The following BPIFC variants were observed in gnomAD, a reference collection of about 807,000 sequenced individuals.
BPIFC encodes BPI fold-containing family C protein.
A neutral mutation model predicts 57.6 loss-of-function variants in BPIFC; 60 were observed. The observed-to-expected ratio is 1.04, with a 90% CI of 0.85 to 1.29. The LOEUF is 1.29. Among genes scored for constraint, BPIFC ranks in the 50% most tolerant of loss-of-function variants. The pLI, the probability that BPIFC is intolerant of heterozygous loss-of-function variation, is 0.00. For synonymous variants in BPIFC, 243 were observed against 224.5 expected (o/e 1.08, Z -0.74); for missense variants, 581 against 600.5 (o/e 0.97, Z 0.34).
In BPIFC at chr22:32,424,588, T is replaced by TCCTC. The variant is rs1569447808; in HGVS notation, c.1218-5185_1218-5184insGAGG. On this transcript the variant is annotated intron_variant, in intron 13 of 16. Transcript: ENST00000300399. ...GTGTTATTTTCTTTCTTCTTCTTCT[T>TCCTC]CTTCTTCTTCTTCTCCTCCTCCTCC... 2.4e-4 allele frequency among the ~76,000 whole-genome samples: 21 copies of TCCTC among 86,950 alleles called. 3 individuals carry two copies. Among genetic ancestry groups the TCCTC allele is most frequent in the South Asian group, 9.8e-4 (3 of 3,066 alleles). The allele number at this position is 86,950 out of a possible 152,430, so 57.0% of individuals were successfully genotyped here. A position where few individuals can be genotyped will look rare whatever the true frequency, so the allele number is the denominator to read the frequency against.
chr22:32,435,729 A>G lies in BPIFC; in HGVS notation c.899T>C (p.Phe300Ser). 6.2e-7 allele frequency: 1 copy of G among 1,614,084 alleles called. No individual in the cohort carries two copies. Among genetic ancestry groups the G allele is most frequent in the East Asian group, 2.2e-5 (1 of 44,884 alleles). ...CTCTTCGGTGGAGAGAGTGACATTG[A>G]AAACCCCAGCTGTGAAATGAGCAAA... Reference protein sequence around the residue: ...ASFAHFTAGVFNVTLSTEEIS... With the variant: ...ASFAHFTAGVSNVTLSTEEIS... Residue 300 changes from phenylalanine to serine, a missense_variant, in exon 10 of 17, where the codon TTC becomes TCC. Coordinates refer to ENST00000300399, the MANE Select transcript of BPIFC (RefSeq NM_174932.3).
At chr22:32,457,506 A>C (rs1935065132) in intron 2 of BPIFC, 120 bp from the exon 3 acceptor site, 6 of 1,072,436 alleles carry the variant, frequency 5.6e-6, no homozygotes, top group African/African-American at 1.6e-5. Context: ...CAATACATCC[A>C]TCCAATCCAT....
intron 4 of BPIFC, among the ~76,000 whole-genome samples, chr22:32,449,694 A>G (rs1934829944): frequency 1.3e-5 from 2 of 151,840 alleles, no homozygotes; most frequent in African/African-American, 4.8e-5. Context: ...ATACAATGTC[A>G]CAGTGAACAT....
intron 3 of BPIFC, among the ~76,000 whole-genome samples, chr22:32,453,909 T>C (rs1934967331): frequency 6.6e-6 from 1 of 151,612 alleles, no homozygotes; most frequent in South Asian, 2.1e-4. Flanking sequence ...ATTGAGATCC[T>C]GTCTCTACAA....
At chr22:32,421,533 C>T (rs1210856531) in intron 13 of BPIFC, among the ~76,000 whole-genome samples, 1 of 152,220 alleles carries the variant, frequency 6.6e-6, no homozygotes, top group Non-Finnish European at 1.5e-5. Context: ...AATCCATCTT[C>T]TACACCATCC....
Position 32,447,234 on chromosome 22 carries a change from A to T in BPIFC, c.352T>A (p.Trp118Arg). The change falls in exon 5 of 17, where the codon TGG (tryptophan) becomes AGG (arginine). Residue 118 changes from tryptophan (W) to arginine (R), a missense_variant. Transcript: ENST00000300399. The part of the protein sequence containing the change: ...NHGTANISTD[W>R]GFESPLFQDT... ...CACAAAAGTGGAGACTCGAACCCCCAGTCTGTGCTGATGTTGGCAGTGCCA... is the reference window on the plus strand; with the variant it reads ...CACAAAAGTGGAGACTCGAACCCCCTGTCTGTGCTGATGTTGGCAGTGCCA... 6.2e-7 allele frequency: 1 copy of T among 1,612,052 alleles called. No individual in the cohort carries two copies. The highest frequency in any genetic ancestry group is 8.5e-7 in the Non-Finnish European group (1 of 1,178,966).
chr22:32,427,985 TCAAAA>T (rs1156384638), intron 13 of BPIFC, among the ~76,000 whole-genome samples: 2 of 151,990 alleles, frequency 1.3e-5, no homozygotes, highest in East Asian at 3.9e-4. Context: ...AGATTCTGTC[TCAAAA>T]CAAAACAGAA....
chr22:32,445,575 G>C, intron 7 of BPIFC, 60 bp downstream of exon 7: 1 of 1,420,800 alleles, frequency 7.0e-7, no homozygotes, highest in Non-Finnish European at 9.8e-7. Context: ...ATTAATTAAA[G>C]GATGATAGAA....
At chr22:32,415,891 A>G (rs779900508) in intron 16 of BPIFC, 24 bp downstream of exon 16, 20 of 1,505,908 alleles carry the variant, frequency 1.3e-5, no homozygotes, top group Middle Eastern at 1.7e-4. Flanking sequence ...TGGGTCAGTT[A>G]AGAGGTGAGA....
intron 4 of BPIFC, among the ~76,000 whole-genome samples, chr22:32,449,985 T>C (rs953451314): frequency 3.6e-4 from 55 of 151,702 alleles, no homozygotes; most frequent in Middle Eastern, 6.8e-3. Flanking sequence ...CCACCCACCT[T>C]GGCCTCCCAA....
At chr22:32,463,543 A>G (rs150562668) in intron 1 of BPIFC, among the ~76,000 whole-genome samples, 68 of 152,300 alleles carry the variant, frequency 4.5e-4, no homozygotes, top group African/African-American at 1.6e-3. Flanking sequence ...TCCTACTACT[A>G]CTGCTGCTTG....
chr22:32,433,716 T>TA lies in BPIFC; in HGVS notation c.978+2dup. The TA allele has an allele frequency of 6.2e-7, 1 of 1,613,614 alleles. No individual in the cohort carries two copies. The highest frequency in any genetic ancestry group is 8.5e-7 in the Non-Finnish European group (1 of 1,179,604). Reference sequence around the variant, plus strand: ...TATCAAGACTCAAACCCTGAGCACTTACCCGGGAGAGCACGTTGCCAAGGC... The same window carrying TA: ...TATCAAGACTCAAACCCTGAGCACTTAACCCGGGAGAGCACGTTGCCAAGGC... On this transcript the variant is annotated splice_region_variant and intron_variant, in intron 11 of 16. Transcript: ENST00000300399.
At chr22:32,420,222 G>A (rs1372336630) in intron 13 of BPIFC, among the ~76,000 whole-genome samples, 1 of 151,660 alleles carries the variant, frequency 6.6e-6, no homozygotes, top group Admixed American at 6.6e-5. Flanking sequence ...GGAGGCTGAG[G>A]CAGGAGAATG....
intron 3 of BPIFC, among the ~76,000 whole-genome samples, chr22:32,456,658 AC>A (rs1336936371): frequency 2.0e-5 from 3 of 152,032 alleles, no homozygotes; most frequent in African/African-American, 7.2e-5. Context: ...AGGTCCATAT[AC>A]TTTGATTTTT....
At chr22:32,462,966 C>T (rs953994951) in intron 1 of BPIFC, among the ~76,000 whole-genome samples, 1 of 152,068 alleles carries the variant, frequency 6.6e-6, no homozygotes, top group Non-Finnish European at 1.5e-5. Flanking sequence ...AGTGCAAATC[C>T]CTTCTTATTT....
intron 8 of BPIFC, among the ~76,000 whole-genome samples, chr22:32,441,384 G>T (rs1382815367): frequency 6.6e-6 from 1 of 152,120 alleles, no homozygotes; most frequent in Non-Finnish European, 1.5e-5. Flanking sequence ...CTTGCTTGCT[G>T]TCTGTCTCCT....
Position 32,449,738 on chromosome 22 carries a change from C to CTTT in BPIFC, c.246-2401_246-2399dup, listed in dbSNP as rs368385141. The stretch of plus-strand genomic sequence containing the variant: ...ATACTGCTTGTGTACATGTACTTCT[C>CTTT]TTTTTTTCTTTTTTGAGATGGAGTT... On this transcript the variant is annotated intron_variant, in intron 4 of 16. Transcript: ENST00000300399. Among the ~76,000 whole-genome samples, 4 of 146,958 alleles carry CTTT rather than the reference C, an allele frequency of 2.7e-5. 1 individual carries two copies. Among genetic ancestry groups the CTTT allele is most frequent in the Non-Finnish European group, 4.5e-5 (3 of 66,646 alleles).
intron 13 of BPIFC, among the ~76,000 whole-genome samples, chr22:32,420,468 C>A (rs1346368227): frequency 6.6e-6 from 1 of 152,182 alleles, no homozygotes; most frequent in Non-Finnish European, 1.5e-5. Context: ...ACATCACTCA[C>A]ACCATTTTTT....
chr22:32,426,114 G>A (rs768265083), intron 13 of BPIFC, among the ~76,000 whole-genome samples: 2 of 152,208 alleles, frequency 1.3e-5, no homozygotes, highest in Non-Finnish European at 2.9e-5. Context: ...TATGCAGCCA[G>A]CCCCGAGCAG....
Sources: gnomAD v4.1 joint callset for allele counts (sites outside exome capture counted in the v4.1 genomes callset) on GRCh38, gnomAD v4.1.1 for gene constraint, MANE v1.5 for transcripts, NCBI Gene and HGNC (gene_info 2026-07-23, HGNC 2026-07-21) for gene names.